The following PCDHGC5 variants were observed in gnomAD, a reference collection of about 807,000 sequenced individuals.
PCDHGC5 encodes protocadherin gamma subfamily C, 5.
In PCDHGC5, 25 loss-of-function variants were observed where a neutral mutation model predicts 59.0. That is an observed-to-expected ratio of 0.42 (90% confidence interval 0.31 to 0.59). The LOEUF (loss-of-function observed/expected upper bound fraction) is 0.59. Ranked by LOEUF, PCDHGC5 falls within the 20% of genes least tolerant of loss-of-function variation. PCDHGC5 has a pLI of 0.13. For synonymous variants in PCDHGC5, 434 were observed against 505.5 expected (o/e 0.86, Z 1.90); for missense variants, 1,067 against 1,206.4 (o/e 0.88, Z 1.71).
chr5:141,501,132 G>T (rs371444727), intron 2 of PCDHGC5, among the ~76,000 whole-genome samples: 2 of 152,262 alleles, frequency 1.3e-5, no homozygotes, highest in East Asian at 3.9e-4. Flanking sequence ...CTCCCTAAGT[G>T]CTGGGATTAC....
At chr5:141,495,020 C>G in intron 2 of PCDHGC5, 155 bp downstream of exon 2, 1 of 976,790 alleles carries the variant, frequency 1.0e-6, no homozygotes, top group Non-Finnish European at 1.2e-6. Context: ...GGCTGGCACA[C>G]AGACCCCGGA....
Position 141,489,992 on chromosome 5 carries a change from TC to T in PCDHGC5, c.755del (p.Pro252GlnfsTer26). The T allele has an allele frequency of 6.2e-7, 1 of 1,614,216 alleles. No individual in the cohort carries two copies. The highest frequency in any genetic ancestry group is 8.5e-7 in the Non-Finnish European group (1 of 1,180,016). On this transcript the variant is annotated frameshift_variant, in exon 1 of 4. Coordinates refer to ENST00000252087, the MANE Select transcript of PCDHGC5 (RefSeq NM_018929.3). LOFTEE classifies it high-confidence loss of function. The surrounding 1 kb of genome is among the most constrained non-coding windows in gnomAD (Gnocchi z 4.5). ...TFQSSVLRVG[I>X]PENAPIGTLL... The stretch of plus-strand genomic sequence containing the variant: ...CAATCCTCAGTTCTACGTGTGGGAA[TC>T]CCAGAGAATGCACCCATTGGTACTC...
chr5:141,509,811 C>T (rs1321920000), intron 3 of PCDHGC5, among the ~76,000 whole-genome samples: 1 of 152,168 alleles, frequency 6.6e-6, no homozygotes, highest in African/African-American at 2.4e-5. Flanking sequence ...TAGAGCCGAG[C>T]TCTTCTCCAT....
rs2099883795 is a variant in PCDHGC5 at position 141,511,444 on chromosome 5, A to C, written c.*271A>C. 3.0e-6 allele frequency: 2 copies of C among 665,362 alleles called. No individual in the cohort carries two copies. The highest frequency in any genetic ancestry group is 3.6e-5 in the African/African-American group (2 of 54,978). 41.2% of individuals were successfully genotyped at this position (665,362 alleles called of 1,614,324 possible). On this transcript the variant is annotated 3_prime_UTR_variant, in exon 4 of 4. Coordinates refer to ENST00000252087, the MANE Select transcript of PCDHGC5 (RefSeq NM_018929.3). ...GGGTAGTGGGGTTACTGTAGACACC[A>C]AGAACCATTTGCCACACCCCGTTTA...
Position 141,494,808 on chromosome 5 carries a change from A to G in PCDHGC5, c.2462A>G (p.Gln821Arg). The G allele has an allele frequency of 1.9e-6, 3 of 1,614,014 alleles. No individual in the cohort carries two copies. Among genetic ancestry groups the G allele is most frequent in the Non-Finnish European group, 2.5e-6 (3 of 1,179,982 alleles). The change falls in exon 2 of 4, where the codon CAA becomes CGA. Residue 821 changes from glutamine to arginine, a missense_variant and splice_region_variant. Gln to Arg is a conservative substitution (Grantham distance 43, BLOSUM62 1). Coordinates refer to ENST00000252087, the MANE Select transcript of PCDHGC5 (RefSeq NM_018929.3). ...CCTTTCCCTCTGTTTTCTCCACAGC[A>G]AGCCCCGCCCAACACGGACTGGCGT... ...RSNTLRERSQ[Q>R]APPNTDWRFS...
rs1028782991 is a variant in PCDHGC5, at chr5:141,503,926, C to T, written c.2520-1467C>T. 2.6e-5 allele frequency among the ~76,000 whole-genome samples: 4 copies of T among 152,196 alleles called. No individual in the cohort carries two copies. The East Asian group carries it at 7.7e-4, about 29-fold the overall frequency. ...ACACACAACGCAACACACACACAGA[C>T]ATTTTCATGCCTTCAAGGCCTACCC... On this transcript the variant is annotated intron_variant, in intron 2 of 3. Coordinates refer to ENST00000252087, the MANE Select transcript of PCDHGC5 (RefSeq NM_018929.3).
chr5:141,489,191 T>C lies in PCDHGC5; in HGVS notation c.-50T>C. On this transcript the variant is annotated 5_prime_UTR_variant, in exon 1 of 4. Coordinates refer to ENST00000252087, the MANE Select transcript of PCDHGC5 (RefSeq NM_018929.3). The surrounding 1 kb of genome is among the most constrained non-coding windows in gnomAD (Gnocchi z 4.5). ...CTGCATTCCAAGCCCTGGGTCTACC[T>C]TGGAGACAGGACAGCACAGACTTAC... The C allele has an allele frequency of 7.3e-7, 1 of 1,364,400 alleles. No homozygotes were observed. Among genetic ancestry groups the C allele is most frequent in the Middle Eastern group, 1.9e-4 (1 of 5,334 alleles). The allele number at this position is 1,364,400 out of a possible 1,614,324, so 84.5% of individuals were successfully genotyped here. A position where few individuals can be genotyped will look rare whatever the true frequency, so the allele number is the denominator to read the frequency against.
chr5:141,507,344 AT>A (rs1345461058), intron 3 of PCDHGC5: 5 of 152,206 alleles, frequency 3.3e-5, no homozygotes, highest in Non-Finnish European at 5.9e-5. Context: ...TTTACCTGAA[AT>A]TCAAATTTAA....
Position 141,511,380 on chromosome 5 carries a change from C to T in PCDHGC5, c.*207C>T, listed in dbSNP as rs896762148. 1.5e-5 allele frequency: 18 copies of T among 1,170,372 alleles called. No homozygotes were observed. The highest frequency in any genetic ancestry group is 3.0e-4 in the Middle Eastern group (1 of 3,384). 72.5% of individuals were successfully genotyped at this position (1,170,372 alleles called of 1,614,324 possible). ...GGGGTTGAATATGCAAAAGCAGTTC[C>T]GCTGGGAACCCCCATCCAATCAACT... is the stretch of plus-strand genomic sequence containing the variant. On this transcript the variant is annotated 3_prime_UTR_variant, in exon 4 of 4. Coordinates refer to ENST00000252087, the MANE Select transcript of PCDHGC5 (RefSeq NM_018929.3).
At chr5:141,503,230 G>A (rs911238781) in intron 2 of PCDHGC5, among the ~76,000 whole-genome samples, 1 of 152,006 alleles carries the variant, frequency 6.6e-6, no homozygotes, top group African/African-American at 2.4e-5. Context: ...CCGTAAAGAT[G>A]GACAGTTTCT....
At chr5:141,510,353 C>T (rs74759939) in intron 3 of PCDHGC5, among the ~76,000 whole-genome samples, 2 of 146,504 alleles carry the variant, frequency 1.4e-5, no homozygotes, top group African/African-American at 5.0e-5. Context: ...CACTTACTAA[C>T]GGAACTACCG....
chr5:141,491,954 C>CA lies in PCDHGC5; in HGVS notation c.2460+260dup. 1 of 1,032,920 alleles carries CA rather than the reference C, an allele frequency of 9.7e-7. No homozygotes were observed. Among genetic ancestry groups the CA allele is most frequent in the Non-Finnish European group, 1.3e-6 (1 of 747,262 alleles). 64.0% of individuals were successfully genotyped at this position (1,032,920 alleles called of 1,614,324 possible). A position where few individuals can be genotyped will look rare whatever the true frequency, so the allele number is the denominator to read the frequency against. ...TGGGACCGACCCCCACCCCTACACTCAAAAAAGGCCGGGGCCTCCTTCGAG... is the reference window on the plus strand; with the variant it reads ...TGGGACCGACCCCCACCCCTACACTCAAAAAAAGGCCGGGGCCTCCTTCGAG... On this transcript the variant is annotated intron_variant, in intron 1 of 3. Coordinates refer to ENST00000252087, the MANE Select transcript of PCDHGC5 (RefSeq NM_018929.3). This position sits in a 1 kb window ranked among gnomAD's most constrained non-coding sequence, Gnocchi z 6.9.
intron 1 of PCDHGC5, 100 bp from the exon 2 acceptor site, chr5:141,494,707 G>A: frequency 2.5e-6 from 4 of 1,599,238 alleles, no homozygotes; most frequent in Non-Finnish European, 3.4e-6. Context: ...TCTTCTCTGT[G>A]CCCACTCCCC....
intron 3 of PCDHGC5, among the ~76,000 whole-genome samples, chr5:141,509,050 C>T (rs867585045): frequency 1.6e-4 from 25 of 152,304 alleles, no homozygotes; most frequent in Admixed American, 5.2e-4. Flanking sequence ...CCCCCGCCCC[C>T]AGAAAGCTCT....
chr5:141,503,377 A>G lies in PCDHGC5; in HGVS notation c.2520-2016A>G, dbSNP rs534841057. Among the ~76,000 whole-genome samples, 4 of 152,142 alleles carry G rather than the reference A, an allele frequency of 2.6e-5. No homozygotes were observed. In the East Asian group the frequency reaches 7.8e-4, roughly 30 times the overall value. The stretch of plus-strand genomic sequence containing the variant: ...TTTGGGAAGCGGAGGCAGGTGGATC[A>G]TGAGGTCAGGAGTTCGAAACCAACC... On this transcript the variant is annotated intron_variant, in intron 2 of 3. Coordinates refer to ENST00000252087, the MANE Select transcript of PCDHGC5 (RefSeq NM_018929.3).
At position 141,491,891 on chromosome 5, in the gene PCDHGC5, G is replaced by T. The variant is rs1487484740; in HGVS notation, c.2460+191G>T. On this transcript the variant is annotated intron_variant, in intron 1 of 3. Coordinates refer to ENST00000252087, the MANE Select transcript of PCDHGC5 (RefSeq NM_018929.3). This position sits in a 1 kb window ranked among gnomAD's most constrained non-coding sequence, Gnocchi z 6.9. ...GTGGCCGATTAAGGGATGGGGCTCC[G>T]AGCACCGGGGGTGGTGGCGACTGTG... 19 of 1,439,438 alleles carry T rather than the reference G, an allele frequency of 1.3e-5. No homozygotes were observed. The East Asian group carries it at 4.8e-4, about 36-fold the overall frequency. 89.2% of individuals were successfully genotyped at this position (1,439,438 alleles called of 1,614,324 possible). A position where few individuals can be genotyped will look rare whatever the true frequency, so the allele number is the denominator to read the frequency against.
chr5:141,491,876 A>G lies in PCDHGC5; in HGVS notation c.2460+176A>G. ...TTGCGCGAAACCAGAGTGGCCGATT[A>G]AGGGATGGGGCTCCGAGCACCGGGG... On this transcript the variant is annotated intron_variant, in intron 1 of 3. Coordinates refer to ENST00000252087, the MANE Select transcript of PCDHGC5 (RefSeq NM_018929.3). The surrounding 1 kb of genome is among the most constrained non-coding windows in gnomAD (Gnocchi z 6.9). 2.1e-6 allele frequency: 3 copies of G among 1,450,326 alleles called. No individual in the cohort carries two copies. Among genetic ancestry groups the G allele is most frequent in the Non-Finnish European group, 1.8e-6 (2 of 1,097,472 alleles). 89.8% of individuals were successfully genotyped at this position (1,450,326 alleles called of 1,614,324 possible).
intron 3 of PCDHGC5, 99 bp from the exon 4 acceptor site, chr5:141,510,848 G>A: frequency 6.3e-7 from 1 of 1,596,080 alleles, no homozygotes. Flanking sequence ...TCAAGGCCCA[G>A]GGTGCTGTAT....
intron 2 of PCDHGC5, among the ~76,000 whole-genome samples, chr5:141,500,001 A>G (rs961582279): frequency 6.6e-5 from 10 of 151,914 alleles, no homozygotes; most frequent in African/African-American, 2.4e-4. Context: ...TGATTCTTTC[A>G]TAAGGTCCAC....
Sources: gnomAD v4.1 joint callset for allele counts (sites outside exome capture counted in the v4.1 genomes callset) on GRCh38, gnomAD v4.1.1 for gene constraint, Gnocchi (gnomAD v3.1) non-coding constraint, MANE v1.5 for transcripts, NCBI Gene and HGNC (gene_info 2026-07-23, HGNC 2026-07-21) for gene names.